ROBO2: variants seen among roughly 807,000 people sequenced by gnomAD.
The protein encoded by ROBO2 is roundabout homolog 2.
In ROBO2, 53 loss-of-function variants were observed where a neutral mutation model predicts 160.8. The ratio of observed to expected loss-of-function variants is 0.33; its 90% CI spans 0.26 to 0.41. The LOEUF (loss-of-function observed/expected upper bound fraction) is 0.41. Among genes scored for constraint, ROBO2 ranks in the 10% least tolerant of loss-of-function variants. The pLI, the probability that ROBO2 is intolerant of heterozygous loss-of-function variation, is 1.00. For missense variants in ROBO2, 1,577 were observed against 1,722.4 expected (o/e 0.92, Z 1.49); for synonymous variants, 664 against 611.7 (o/e 1.09, Z -1.26).
chr3:76,405,525 C>T (rs1210871560), intron 2 of ROBO2, among the ~76,000 whole-genome samples: 1 of 151,728 alleles, frequency 6.6e-6, no homozygotes, highest in Non-Finnish European at 1.5e-5. Context: ...ATCTGGTCAT[C>T]AGTCCATCAT....
chr3:76,876,776 G>A (rs2072777684), intron 2 of ROBO2, among the ~76,000 whole-genome samples: 2 of 152,090 alleles, frequency 1.3e-5, no homozygotes, highest in South Asian at 4.1e-4. Flanking sequence ...ATGCACAAGT[G>A]TTTAACAAAA....
At chr3:77,331,764 C>T (rs367681683) in intron 2 of ROBO2, among the ~76,000 whole-genome samples, 34 of 152,102 alleles carry the variant, frequency 2.2e-4, no homozygotes, top group Middle Eastern at 6.8e-3. Flanking sequence ...AGTGCAGTGG[C>T]GCGATATGTC....
At chr3:77,188,664 G>A (rs1274550134) in intron 2 of ROBO2, among the ~76,000 whole-genome samples, 10 of 151,772 alleles carry the variant, frequency 6.6e-5, no homozygotes, top group African/African-American at 2.4e-4. Context: ...ATTTTATTAT[G>A]TTGTAAGAGA....
chr3:75,927,260 G>A (rs1947327482), intron 1 of ROBO2, among the ~76,000 whole-genome samples: 1 of 152,144 alleles, frequency 6.6e-6, no homozygotes, highest in African/African-American at 2.4e-5. Flanking sequence ...TGAATTGGAA[G>A]AAAATCCAAT....
intron 2 of ROBO2, among the ~76,000 whole-genome samples, chr3:77,443,163 AT>A (rs1166790207): frequency 2.0e-5 from 3 of 152,180 alleles, no homozygotes; most frequent in Non-Finnish European, 4.4e-5. Context: ...TCTTATTATA[AT>A]TTTGCTTATA....
intron 24 of ROBO2, 23 bp downstream of exon 26, chr3:77,642,966 A>G (rs1352773266): frequency 2.2e-6 from 1 of 455,354 alleles, no homozygotes; most frequent in Non-Finnish European, 4.4e-6. Flanking sequence ...CAGTCCCAAG[A>G]AAGTGTGGAC....
chr3:77,606,135 T>A (rs2094521645), intron 20 of ROBO2, among the ~76,000 whole-genome samples: 1 of 152,150 alleles, frequency 6.6e-6, no homozygotes, highest in Admixed American at 6.5e-5. Flanking sequence ...TGTGGGATAC[T>A]CATAGGGCCT....
intron 2 of ROBO2, among the ~76,000 whole-genome samples, chr3:76,890,365 C>A (rs1226134085): frequency 6.6e-6 from 1 of 152,122 alleles, no homozygotes; most frequent in Non-Finnish European, 1.5e-5. Context: ...TTCATCTGTT[C>A]CAAGTATCTG....
intron 2 of ROBO2, among the ~76,000 whole-genome samples, chr3:76,098,018 C>T (rs1020593305): frequency 6.6e-6 from 1 of 151,608 alleles, no homozygotes; most frequent in Non-Finnish European, 1.5e-5. Context: ...TATTTTTTTG[C>T]CATAGTGAGC....
intron 2 of ROBO2, among the ~76,000 whole-genome samples, chr3:76,312,599 T>C (rs970752427): frequency 2.0e-5 from 3 of 152,198 alleles, no homozygotes; most frequent in African/African-American, 2.4e-5. Flanking sequence ...ATTACTATAT[T>C]TCCTAGTGTT....
chr3:76,049,383 G>GTGTGTGTATA (rs1440395230), intron 2 of ROBO2, among the ~76,000 whole-genome samples: 1 of 36,822 alleles, frequency 2.7e-5, no homozygotes, highest in Non-Finnish European at 5.4e-5. Flanking sequence ...GCTAATTTTA[G>GTGTGTGTATA]TATATATATA....
chr3:76,304,528 C>T (rs1396027377), intron 2 of ROBO2, among the ~76,000 whole-genome samples: 1 of 152,112 alleles, frequency 6.6e-6, no homozygotes, highest in African/African-American at 2.4e-5. Context: ...TAAATCCCAG[C>T]TAAAATTTTA....
At chr3:77,036,135 A>G (rs1299421805), upstream of ROBO2, among the ~76,000 whole-genome samples, 1 of 151,948 alleles carries the variant, frequency 6.6e-6, no homozygotes, top group Non-Finnish European at 1.5e-5. Context: ...GATTTAAAGC[A>G]AGATTGTGCC....
intron 2 of ROBO2, among the ~76,000 whole-genome samples, chr3:76,355,150 A>G (rs535989449): frequency 6.6e-6 from 1 of 151,682 alleles, no homozygotes; most frequent in East Asian, 1.9e-4. Context: ...TCTTATTTTA[A>G]GCAAACCGCC....
intron 2 of ROBO2, among the ~76,000 whole-genome samples, chr3:75,985,846 A>G (rs904782109): frequency 1.3e-5 from 2 of 151,604 alleles, no homozygotes; most frequent in South Asian, 2.1e-4. Flanking sequence ...AATGACCTCA[A>G]TTTCATCCTA....
chr3:76,955,982 C>T (rs1191731562), intron 2 of ROBO2, among the ~76,000 whole-genome samples: 1 of 151,928 alleles, frequency 6.6e-6, no homozygotes, highest in Non-Finnish European at 1.5e-5. Context: ...GGCCTTAACC[C>T]ACAAATGTGT....
At chr3:75,925,995 C>T (rs1164053668) in intron 1 of ROBO2, among the ~76,000 whole-genome samples, 3 of 152,078 alleles carry the variant, frequency 2.0e-5, no homozygotes, top group Non-Finnish European at 4.4e-5. Context: ...TGATAAACAA[C>T]GTGTAGTGCA....
chr3:77,095,915 G>T (rs2070996400), intron 1 of ROBO2, among the ~76,000 whole-genome samples: 1 of 145,346 alleles, frequency 6.9e-6, no homozygotes, highest in Non-Finnish European at 1.5e-5. Flanking sequence ...GATCTCTTTA[G>T]TTTTTTTTTT....
At chr3:76,533,058 C>T (rs1211216379) in intron 2 of ROBO2, among the ~76,000 whole-genome samples, 1 of 152,110 alleles carries the variant, frequency 6.6e-6, no homozygotes, top group African/African-American at 2.4e-5. Context: ...TCAAAATCTC[C>T]TAAAAGAGGA....
Sources: allele counts gnomAD v4.1 joint callset (sites outside exome capture counted in the v4.1 genomes callset), GRCh38; gene constraint gnomAD v4.1.1; transcripts MANE v1.5; gene names NCBI Gene and HGNC (gene_info 2026-07-23, HGNC 2026-07-21).